STAU1: variants seen among roughly 807,000 people sequenced by gnomAD.
STAU1 encodes staufen double-stranded RNA binding protein 1.
Under a neutral mutation model 62.9 loss-of-function variants are expected in STAU1, and 13 were observed. The ratio of observed to expected loss-of-function variants is 0.21; its 90% CI spans 0.13 to 0.33. The LOEUF is 0.33. STAU1 is among the 10% of genes least tolerant of loss of function. STAU1 has a pLI of 1.00. For missense variants in STAU1, 571 were observed against 712.1 expected (o/e 0.80, Z 2.25); for synonymous variants, 269 against 265.1 (o/e 1.01, Z -0.14).
intron 5 of STAU1, among the ~76,000 whole-genome samples, chr20:49,136,750 T>C (rs1299190914): frequency 1.3e-5 from 2 of 151,886 alleles, no homozygotes; most frequent in Non-Finnish European, 2.9e-5. Flanking sequence ...CAGGATGGAG[T>C]GCAGTGGCGC....
At position 49,166,221 on chromosome 20, in the gene STAU1, G is replaced by T; in HGVS notation, c.-20C>A. ...AGACATGGTCACTTTCAACAAAAGTGAACAAATGCAGGTAAACAGCTTTCA... is the reference window on the plus strand; with the variant it reads ...AGACATGGTCACTTTCAACAAAAGTTAACAAATGCAGGTAAACAGCTTTCA... On this transcript the variant is annotated 5_prime_UTR_variant, in exon 3 of 14. Coordinates refer to ENST00000371856, the MANE Select transcript of STAU1 (RefSeq NM_017453.4). 3 of 1,612,034 alleles carry T rather than the reference G, an allele frequency of 1.9e-6. No homozygotes were observed. The South Asian group carries it at 3.3e-5, about 18-fold the overall frequency.
At chr20:49,202,285 G>C in the STAU1 span, among the ~76,000 whole-genome samples, 1 of 146,562 alleles carries the variant, frequency 6.8e-6, no homozygotes. Context: ...CTGGGACACC[G>C]GGCGTGATGG....
chr20:49,215,745 G>A, the STAU1 span, among the ~76,000 whole-genome samples: 3 of 152,050 alleles, frequency 2.0e-5, no homozygotes, highest in Admixed American at 6.6e-5. Flanking sequence ...AGTGGCTGAC[G>A]CCTGTAATTC....
At chr20:49,150,240 T>C (rs981290012) in intron 5 of STAU1, among the ~76,000 whole-genome samples, 2 of 152,224 alleles carry the variant, frequency 1.3e-5, no homozygotes, top group Non-Finnish European at 2.9e-5. Flanking sequence ...TTTTAAAACA[T>C]GGCCCCTAAT....
chr20:49,123,452 C>T (rs2092516533), intron 7 of STAU1, among the ~76,000 whole-genome samples: 1 of 152,146 alleles, frequency 6.6e-6, no homozygotes, highest in Admixed American at 6.5e-5. Context: ...CCAACATCAA[C>T]ATTTCACTAT....
chr20:49,116,491 C>T (rs568890791), intron 12 of STAU1, among the ~76,000 whole-genome samples: 1 of 152,150 alleles, frequency 6.6e-6, no homozygotes, highest in Admixed American at 6.6e-5. Context: ...CCCACCACCA[C>T]ACCTGGCTAA....
intron 1 of STAU1, among the ~76,000 whole-genome samples, chr20:49,187,896 G>C (rs1374732647): frequency 1.3e-5 from 2 of 151,968 alleles, no homozygotes; most frequent in East Asian, 1.9e-4. Flanking sequence ...GGCTGGAGGG[G>C]ATGGGGGCGC....
At chr20:49,144,732 T>C (rs960344004) in intron 5 of STAU1, among the ~76,000 whole-genome samples, 3 of 152,156 alleles carry the variant, frequency 2.0e-5, no homozygotes, top group Non-Finnish European at 2.9e-5. Flanking sequence ...GACAATGCAA[T>C]AGCCTAGGCA....
chr20:49,171,062 G>A (rs1860591945), intron 2 of STAU1, among the ~76,000 whole-genome samples: 1 of 152,162 alleles, frequency 6.6e-6, no homozygotes, highest in Non-Finnish European at 1.5e-5. Flanking sequence ...TTAAATGCTG[G>A]AAAGGATCTG....
chr20:49,116,796 C>T (rs1600586208), intron 12 of STAU1, among the ~76,000 whole-genome samples: 1 of 152,102 alleles, frequency 6.6e-6, no homozygotes, highest in African/African-American at 2.4e-5. Context: ...GCTGCCAGAA[C>T]GTGGACCTGC....
chr20:49,149,786 CAAAAGAA>C (rs761407556), intron 5 of STAU1, among the ~76,000 whole-genome samples: 116 of 152,110 alleles, frequency 7.6e-4, no homozygotes, highest in Non-Finnish European at 1.2e-3. Flanking sequence ...TGCAGCGTAA[CAAAAGAA>C]AAACAAATCG....
At chr20:49,190,898 ATGC>A (rs1568957930), upstream of STAU1, among the ~76,000 whole-genome samples, 1 of 127,342 alleles carries the variant, frequency 7.9e-6, no homozygotes, top group Non-Finnish European at 1.6e-5. Flanking sequence ...GCCCTGTGAG[ATGC>A]TGAATTTTTT....
Position 49,180,373 on chromosome 20 carries a change from A to G in STAU1, c.-159-6104T>C, listed in dbSNP as rs535176690. Reference sequence around the variant, plus strand: ...GAGTCTTGCTCTGTTGCCCAGGCTGAAGTGCAGCGGCACGATGTCAGGTCA... The same window carrying G: ...GAGTCTTGCTCTGTTGCCCAGGCTGGAGTGCAGCGGCACGATGTCAGGTCA... On this transcript the variant is annotated intron_variant, in intron 1 of 13. Coordinates refer to ENST00000371856, the MANE Select transcript of STAU1 (RefSeq NM_017453.4). Among the ~76,000 whole-genome samples the G allele has an allele frequency of 2.9e-3, 440 of 150,066 alleles. 1 individual carries two copies. Among genetic ancestry groups the G allele is most frequent in the Non-Finnish European group, 4.3e-3 (289 of 67,842 alleles).
chr20:49,116,896 G>C (rs2092340342), intron 12 of STAU1, among the ~76,000 whole-genome samples: 2 of 152,148 alleles, frequency 1.3e-5, no homozygotes, highest in African/African-American at 4.8e-5. Flanking sequence ...CAGGGAAAAG[G>C]AAGGGAAAGG....
chr20:49,217,306 G>T, the STAU1 span, among the ~76,000 whole-genome samples: 4 of 152,100 alleles, frequency 2.6e-5, no homozygotes, highest in Non-Finnish European at 4.4e-5. Flanking sequence ...CCTGCTGGCA[G>T]ATCCTAACAA....
At chr20:49,204,158 C>T in the STAU1 span, among the ~76,000 whole-genome samples, 26 of 151,306 alleles carry the variant, frequency 1.7e-4, no homozygotes, top group African/African-American at 6.3e-4. Context: ...CTCTGTCACT[C>T]TGTCACCCAA....
At chr20:49,181,850 G>T (rs182986931) in intron 1 of STAU1, among the ~76,000 whole-genome samples, 1 of 148,532 alleles carries the variant, frequency 6.7e-6, no homozygotes, top group African/African-American at 2.5e-5. Context: ...TCATTCAGGG[G>T]AAAAGACCCC....
chr20:49,123,068 C>T (rs573387489), intron 8 of STAU1, 24 bp downstream of exon 8: 7 of 1,552,842 alleles, frequency 4.5e-6, no homozygotes, highest in Admixed American at 1.9e-5. Flanking sequence ...GAGGAAGGGG[C>T]GCCCATCATC....
intron 4 of STAU1, among the ~76,000 whole-genome samples, chr20:49,153,463 T>C (rs1244190819): frequency 6.7e-6 from 1 of 149,302 alleles, no homozygotes; most frequent in Non-Finnish European, 1.5e-5. Context: ...CCCAGCACTT[T>C]GGGAGGCCAA....
Sources: allele counts gnomAD v4.1 joint callset (sites outside exome capture counted in the v4.1 genomes callset), GRCh38; gene constraint gnomAD v4.1.1; transcripts MANE v1.5; gene names NCBI Gene and HGNC (gene_info 2026-07-23, HGNC 2026-07-21).